The following ADAMTS6 variants were observed in gnomAD, a reference collection of about 807,000 sequenced individuals.
The protein encoded by ADAMTS6 is ADAM metallopeptidase with thrombospondin type 1 motif 6.
ADAMTS6 carries 23 observed loss-of-function variants against 144.3 expected under a neutral mutation model. The observed-to-expected ratio is 0.16, with a 90% CI of 0.11 to 0.23. The LOEUF (loss-of-function observed/expected upper bound fraction) is 0.23. Among genes scored for constraint, ADAMTS6 ranks in the 10% least tolerant of loss-of-function variants. The pLI is 1.00. For missense variants in ADAMTS6, 999 were observed against 1,379.6 expected, an observed-to-expected ratio of 0.72 and a Z score of 4.37; for synonymous variants, 444 against 457.5, an observed-to-expected ratio of 0.97 and a Z score of 0.38.
At chr5:65,370,799 T>C (rs1750810481) in intron 7 of ADAMTS6, among the ~76,000 whole-genome samples, 2 of 152,228 alleles carry the variant, frequency 1.3e-5, no homozygotes, top group African/African-American at 4.8e-5. Flanking sequence ...TGCCTGCCTC[T>C]GTAGGCTCCA....
At chr5:65,335,410 G>C (rs1312766692) in intron 7 of ADAMTS6, among the ~76,000 whole-genome samples, 1 of 152,128 alleles carries the variant, frequency 6.6e-6, no homozygotes, top group Non-Finnish European at 1.5e-5. Flanking sequence ...GCACCATAAA[G>C]TATATTCTTG....
chr5:65,393,037 C>T (rs1213304662), intron 7 of ADAMTS6, among the ~76,000 whole-genome samples: 1 of 152,144 alleles, frequency 6.6e-6, no homozygotes, highest in Non-Finnish European at 1.5e-5. Flanking sequence ...AAAATGTGCT[C>T]AGTAGATCTC....
intron 9 of ADAMTS6, among the ~76,000 whole-genome samples, chr5:65,320,916 T>C (rs1745551478): frequency 6.6e-6 from 1 of 152,184 alleles, no homozygotes; most frequent in Non-Finnish European, 1.5e-5. Context: ...TTCCATGGTG[T>C]GCATGTACCA....
At chr5:65,349,453 A>G (rs1748639674) in intron 7 of ADAMTS6, among the ~76,000 whole-genome samples, 1 of 152,136 alleles carries the variant, frequency 6.6e-6, no homozygotes, top group South Asian at 2.1e-4. Context: ...TTAAATTTCA[A>G]TGTAATCATT....
At chr5:65,255,924 G>C (rs1014404389) in intron 14 of ADAMTS6, among the ~76,000 whole-genome samples, 3 of 152,008 alleles carry the variant, frequency 2.0e-5, no homozygotes, top group African/African-American at 7.3e-5. Flanking sequence ...CTGTAGTGTG[G>C]TGGTGTGATC....
At chr5:65,228,929 C>T (rs894884080) in intron 15 of ADAMTS6, among the ~76,000 whole-genome samples, 3 of 152,216 alleles carry the variant, frequency 2.0e-5, no homozygotes, top group African/African-American at 7.2e-5. Flanking sequence ...GGGAAGCCAA[C>T]TCATGAGCCA....
At chr5:65,220,133 T>A (rs1457799683) in intron 18 of ADAMTS6, among the ~76,000 whole-genome samples, 1 of 152,024 alleles carries the variant, frequency 6.6e-6, no homozygotes, top group East Asian at 1.9e-4. Context: ...AAAACTAAAA[T>A]CATATAAGGT....
chr5:65,382,209 A>G (rs1344903380), intron 7 of ADAMTS6, among the ~76,000 whole-genome samples: 1 of 152,218 alleles, frequency 6.6e-6, no homozygotes, highest in East Asian at 1.9e-4. Flanking sequence ...TGTCACCTCA[A>G]CAGAAAGTAA....
intron 9 of ADAMTS6, among the ~76,000 whole-genome samples, chr5:65,300,495 T>C (rs1182163956): frequency 6.6e-6 from 1 of 152,238 alleles, no homozygotes; most frequent in African/African-American, 2.4e-5. Context: ...GTGTTGGAAT[T>C]GTTAGCAGAA....
chr5:65,381,135 A>G (rs982479326), intron 7 of ADAMTS6, among the ~76,000 whole-genome samples: 3 of 152,202 alleles, frequency 2.0e-5, no homozygotes, highest in Admixed American at 6.5e-5. Flanking sequence ...TTCAAAAACA[A>G]TCTAATGAGG....
intron 7 of ADAMTS6, among the ~76,000 whole-genome samples, chr5:65,443,399 T>C (rs150172534): frequency 0.039 from 5,945 of 151,878 alleles, 414 homozygotes; most frequent in African/African-American, 0.14. Flanking sequence ...GGTGGGAGGA[T>C]CACTTGAGCC....
chr5:65,219,933 G>A (rs377364114), intron 18 of ADAMTS6, among the ~76,000 whole-genome samples: 13 of 152,206 alleles, frequency 8.5e-5, no homozygotes, highest in South Asian at 8.3e-4. Context: ...AGATATCGAC[G>A]TAATTCTTTC....
intron 7 of ADAMTS6, among the ~76,000 whole-genome samples, chr5:65,444,389 C>T (rs1054682703): frequency 6.6e-6 from 1 of 152,044 alleles, no homozygotes; most frequent in African/African-American, 2.4e-5. Flanking sequence ...CTATTAAAAC[C>T]AATAAATGAA....
At position 65,188,104 on chromosome 5, in the gene ADAMTS6, C is replaced by T. The variant is rs1754783139; in HGVS notation, c.2822G>A (p.Ser941Asn). The T allele has an allele frequency of 6.2e-7, 1 of 1,614,178 alleles. No homozygotes were observed. Among genetic ancestry groups the T allele is most frequent in the Non-Finnish European group, 8.5e-7 (1 of 1,180,002 alleles). ...GPSEEETLDYSGCLTHRPVEK... is the reference protein window; with the variant it reads ...GPSEEETLDYNGCLTHRPVEK... ...GACAGGCCGGTGTGTTAAACAACCA[C>T]TGTAGTCCAGCGTCTCCTCCTCAGA... Residue 941 changes from serine (S) to asparagine (N), a missense_variant, in exon 22 of 25, where the codon AGT becomes AAT. Ser to Asn is a conservative substitution (Grantham distance 46). Around this residue, in one of 3 missense-constraint regions of ADAMTS6, gnomAD observed 619 missense variants for 837.0 expected, o/e 0.74. Coordinates refer to ENST00000381055, the MANE Select transcript of ADAMTS6 (RefSeq NM_197941.4).
chr5:65,331,001 GAC>G (rs892464285), intron 8 of ADAMTS6, among the ~76,000 whole-genome samples: 10 of 151,858 alleles, frequency 6.6e-5, no homozygotes, highest in African/African-American at 2.4e-4. Context: ...GAAAGAGACA[GAC>G]ACACACAGTG....
rs1056364838 is a variant in ADAMTS6 at position 65,281,530 on chromosome 5, A to C, written c.1513-8083T>G. 8.5e-5 allele frequency among the ~76,000 whole-genome samples: 13 copies of C among 152,258 alleles called. No individual in the cohort carries two copies. The East Asian group carries it at 2.3e-3, about 27-fold the overall frequency. On this transcript the variant is annotated intron_variant, in intron 11 of 24. Coordinates refer to ENST00000381055, the MANE Select transcript of ADAMTS6 (RefSeq NM_197941.4). Reference sequence around the variant, plus strand: ...ATATCAACACTTGGGTGTGGATTTTAAAAAGATACTGTTAACATATTTCAC... The same window carrying C: ...ATATCAACACTTGGGTGTGGATTTTCAAAAGATACTGTTAACATATTTCAC...
chr5:65,431,518 G>C (rs1756997575), intron 7 of ADAMTS6, among the ~76,000 whole-genome samples: 1 of 152,084 alleles, frequency 6.6e-6, no homozygotes, highest in Non-Finnish European at 1.5e-5. Flanking sequence ...CTAACCATAA[G>C]ACAGGACCAA....
chr5:65,277,873 G>T (rs1480205838), intron 11 of ADAMTS6, among the ~76,000 whole-genome samples: 2 of 152,064 alleles, frequency 1.3e-5, no homozygotes, highest in Admixed American at 1.3e-4. Context: ...GGTACAAGTG[G>T]TTTTTTGTTA....
chr5:65,238,987 T>C (rs1758922771), intron 15 of ADAMTS6, among the ~76,000 whole-genome samples: 1 of 152,108 alleles, frequency 6.6e-6, no homozygotes, highest in African/African-American at 2.4e-5. Context: ...GGAAGAACTC[T>C]TATAAAAAAC....
Sources: gnomAD v4.1 joint callset for allele counts (sites outside exome capture counted in the v4.1 genomes callset) on GRCh38, gnomAD v4.1.1 for gene constraint, gnomAD v4.1.1 regional missense constraint, MANE v1.5 for transcripts, NCBI Gene and HGNC (gene_info 2026-07-23, HGNC 2026-07-21) for gene names.